PDIA6: variants seen among roughly 807,000 people sequenced by gnomAD.
The protein encoded by PDIA6 is protein disulfide-isomerase A6.
In PDIA6, 29 loss-of-function variants were observed where a neutral mutation model predicts 58.4. That is an observed-to-expected ratio of 0.50 (90% CI 0.37 to 0.68). PDIA6 has a LOEUF of 0.68. Among genes scored for constraint, PDIA6 ranks in the 30% least tolerant of loss-of-function variants. The probability of loss-of-function intolerance (pLI) is 0.00; values close to 1 mark genes in which losing one functional copy is unlikely to be tolerated. For synonymous variants in PDIA6, 192 were observed against 202.6 expected, an observed-to-expected ratio of 0.95 and a Z score of 0.44; for missense variants, 480 against 551.0, an observed-to-expected ratio of 0.87 and a Z score of 1.29.
chr2:10,818,585 T>C (rs1186223663), intron 2 of PDIA6, among the ~76,000 whole-genome samples: 1 of 135,802 alleles, frequency 7.4e-6, no homozygotes, highest in Non-Finnish European at 1.6e-5. Flanking sequence ...GCAATTGCAC[T>C]ATCTCGACTC....
chr2:10,791,848 A>C lies in PDIA6; in HGVS notation c.531T>G (p.Ser177Arg). Reference protein sequence around the residue: ...DDSFDKNVLDSEDVWMVEFYA... With the variant: ...DDSFDKNVLDREDVWMVEFYA... Reference sequence around the variant, plus strand: ...AGAACTCAACCATCCAAACATCTTCACTGTCCAGAACATTCTTATCAAAGC... The same window carrying C: ...AGAACTCAACCATCCAAACATCTTCCCTGTCCAGAACATTCTTATCAAAGC... The change falls in exon 6 of 13, where the codon AGT becomes AGG. Residue 177 changes from serine (S) to arginine (R), a missense_variant. Coordinates refer to ENST00000272227, the MANE Select transcript of PDIA6 (RefSeq NM_005742.4). 6.2e-7 allele frequency: 1 copy of C among 1,614,108 alleles called. No individual in the cohort carries two copies. Among genetic ancestry groups the C allele is most frequent in the Non-Finnish European group, 8.5e-7 (1 of 1,179,968 alleles).
upstream of PDIA6, among the ~76,000 whole-genome samples, chr2:10,815,849 T>A (rs1215393828): frequency 6.6e-6 from 1 of 152,120 alleles, no homozygotes; most frequent in Non-Finnish European, 1.5e-5. Flanking sequence ...CTGGTCAGCA[T>A]CCATTTTTAA....
chr2:10,789,651 T>C (rs1286153017), intron 8 of PDIA6, 98 bp downstream of exon 8: 2 of 1,117,132 alleles, frequency 1.8e-6, no homozygotes, highest in African/African-American at 3.1e-5. Context: ...AGAGAGTATC[T>C]TTAAGGGCAT....
chr2:10,790,661 A>G, intron 7 of PDIA6, 58 bp downstream of exon 7: 1 of 1,250,892 alleles, frequency 8.0e-7, no homozygotes, highest in Non-Finnish European at 1.2e-6. Context: ...GGAGTATTGG[A>G]AGAAGTAACG....
intron 8 of PDIA6, 115 bp from the exon 9 acceptor site, chr2:10,789,096 G>A (rs937893717): frequency 2.8e-5 from 21 of 755,678 alleles, no homozygotes; most frequent in Non-Finnish European, 4.8e-5. Context: ...TTTCTCCCAC[G>A]ACTACTTCCT....
intron 12 of PDIA6, chr2:10,784,704 A>G (rs1221248873): frequency 3.7e-6 from 2 of 542,538 alleles, no homozygotes; most frequent in East Asian, 6.0e-5. Flanking sequence ...CAGGAAAGCA[A>G]CCTTACTACT....
At position 10,788,698 on chromosome 2, in the gene PDIA6, C is replaced by G; in HGVS notation, c.997G>C (p.Gly333Arg). The G allele has an allele frequency of 6.2e-7, 1 of 1,605,698 alleles. No individual in the cohort carries two copies. The highest frequency in any genetic ancestry group is 8.5e-7 in the Non-Finnish European group (1 of 1,172,312). The change falls in exon 10 of 13, where the codon GGG (glycine) becomes CGG (arginine). Residue 333 changes from glycine to arginine, a missense_variant and splice_region_variant. Physicochemically the swap from Gly to Arg is moderately radical, Grantham distance 125. Coordinates refer to ENST00000272227, the MANE Select transcript of PDIA6 (RefSeq NM_005742.4). Reference protein sequence around the residue: ...LADKYKKKMWGWLWTEAGAQS... With the variant: ...LADKYKKKMWRWLWTEAGAQS... ...CAGACAGTAAGCTCAGTAACTTACC[C>G]CCACATTTTCTTTTTGTATTTGTCT...
At chr2:10,786,191 C>T (rs905047469) in intron 11 of PDIA6, among the ~76,000 whole-genome samples, 4 of 152,198 alleles carry the variant, frequency 2.6e-5, no homozygotes, top group East Asian at 3.9e-4. Flanking sequence ...GGCGTGGTGG[C>T]AGGCGCCTGT....
rs115078443 is a variant in PDIA6 at position 10,820,072 on chromosome 2, A to C, written c.-47-718T>G. Among the ~76,000 whole-genome samples the C allele has an allele frequency of 6.0e-3, 908 of 152,328 alleles. 9 individuals are homozygous for C. The highest frequency in any genetic ancestry group is 0.02 in the African/African-American group (838 of 41,572). ...TCCAGAGGTGTTCTTGGCATAGTGA[A>C]GTGGCCTCATTGTCTGGGGTAATAC... On this transcript the variant is annotated intron_variant, in intron 1 of 13. Transcript: ENST00000381611.
At chr2:10,829,288 C>G (rs76096569) in intron 1 of PDIA6, among the ~76,000 whole-genome samples, 1 of 152,090 alleles carries the variant, frequency 6.6e-6, no homozygotes, top group Admixed American at 6.5e-5. Flanking sequence ...GGACACCTCC[C>G]GCCCCCAGGC....
At chr2:10,806,628 C>CAAAGAAAGAAAGAAAGAAAGAGAGAA (rs142782761) in intron 1 of PDIA6, among the ~76,000 whole-genome samples, 1 of 70,364 alleles carries the variant, frequency 1.4e-5, no homozygotes, top group Non-Finnish European at 3.9e-5. Context: ...AAAATAAAGA[C>CAAAGAAAGAAAGAAAGAAAGAGAGAA]AGAAAGAAAG....
At chr2:10,818,876 G>A (rs1667300529) in intron 2 of PDIA6, among the ~76,000 whole-genome samples, 1 of 151,966 alleles carries the variant, frequency 6.6e-6, no homozygotes, top group South Asian at 2.1e-4. Context: ...TCACATCGTT[G>A]TACAACCTTC....
In PDIA6 at chr2:10,797,699, C is replaced by A; in HGVS notation, c.219+1G>T. ...GCCTTTTGCATTCCTAAGAAACTTA[C>A]TTTTAATGCAGTTGCTGCTTTCTTC... On this transcript the variant is annotated splice_donor_variant, in intron 3 of 12. Coordinates refer to ENST00000272227, the MANE Select transcript of PDIA6 (RefSeq NM_005742.4). LOFTEE classifies it high-confidence loss of function. 6.2e-7 allele frequency: 1 copy of A among 1,611,078 alleles called. No homozygotes were observed. Among genetic ancestry groups the A allele is most frequent in the Non-Finnish European group, 8.5e-7 (1 of 1,178,328 alleles).
At chr2:10,808,280 T>C (rs181086187) in intron 1 of PDIA6, among the ~76,000 whole-genome samples, 17 of 152,324 alleles carry the variant, frequency 1.1e-4, no homozygotes, top group Non-Finnish European at 2.2e-4. Context: ...CAAATGCTAC[T>C]GGGAGATAAA....
chr2:10,804,972 CTGT>C (rs1188422775), intron 1 of PDIA6, among the ~76,000 whole-genome samples: 2 of 131,254 alleles, frequency 1.5e-5, no homozygotes, highest in Non-Finnish European at 3.5e-5. Context: ...GGCTCTCTGT[CTGT>C]TGTTGGTGTA....
rs571941116 is a variant in PDIA6 at position 10,787,008 on chromosome 2, G to C, written c.1157+273C>G. On this transcript the variant is annotated intron_variant, in intron 11 of 12. Coordinates refer to ENST00000272227, the MANE Select transcript of PDIA6 (RefSeq NM_005742.4). ...ATGAGACCTTTATGAGAATGAGAAA[G>C]AGCCCAGGGCCAGATGCACAGAATG... Among the ~76,000 whole-genome samples the C allele has an allele frequency of 1.1e-4, 17 of 152,262 alleles. No individual in the cohort carries two copies. In the South Asian group the frequency reaches 3.1e-3, roughly 28 times the overall value.
At chr2:10,816,300 G>A (rs963818315), upstream of PDIA6, among the ~76,000 whole-genome samples, 1 of 151,390 alleles carries the variant, frequency 6.6e-6, no homozygotes, top group African/African-American at 2.4e-5. Context: ...GGAGAGGCTG[G>A]TCTCGAACTC....
At chr2:10,799,361 T>A (rs1292716947) in intron 2 of PDIA6, among the ~76,000 whole-genome samples, 1 of 152,228 alleles carries the variant, frequency 6.6e-6, no homozygotes, top group South Asian at 2.1e-4. Context: ...AAAACACTTA[T>A]AGATGACTTC....
At chr2:10,787,641 C>G (rs1341227642) in intron 10 of PDIA6, among the ~76,000 whole-genome samples, 1 of 152,128 alleles carries the variant, frequency 6.6e-6, no homozygotes, top group Non-Finnish European at 1.5e-5. Context: ...CATGTTCTCG[C>G]GTTCTGTAGG....
Sources: gnomAD v4.1 joint callset for allele counts (sites outside exome capture counted in the v4.1 genomes callset) on GRCh38, gnomAD v4.1.1 for gene constraint, MANE v1.5 for transcripts, NCBI Gene and HGNC (gene_info 2026-07-23, HGNC 2026-07-21) for gene names.